Variants in AGO3 observed in about 807,000 individuals in gnomAD.
The protein encoded by AGO3 is protein argonaute-3.
Under a neutral mutation model 105.5 loss-of-function variants are expected in AGO3, and 16 were observed. The observed-to-expected ratio is 0.15, with a 90% CI of 0.10 to 0.23. The LOEUF is 0.23. Among genes scored for constraint, AGO3 ranks in the 10% least tolerant of loss-of-function variants. AGO3 has a pLI of 1.00. For missense variants in AGO3, 534 were observed against 1,088.0 expected, an observed-to-expected ratio of 0.49 and a Z score of 7.16; for synonymous variants, 340 against 367.3, an observed-to-expected ratio of 0.93 and a Z score of 0.85.
intron 16 of AGO3, among the ~76,000 whole-genome samples, chr1:36,043,021 CTGT>C (rs754610580): frequency 1.3e-5 from 2 of 152,204 alleles, no homozygotes; most frequent in East Asian, 1.9e-4. Context: ...AATGGTGTGA[CTGT>C]TGTTGATCTT....
intron 5 of AGO3, among the ~76,000 whole-genome samples, chr1:35,995,904 C>G (rs1458179698): frequency 6.6e-6 from 1 of 152,076 alleles, no homozygotes; most frequent in African/African-American, 2.4e-5. Context: ...TCTCGAACTC[C>G]CTGACCTCAA....
chr1:35,962,779 C>A (rs1321787878), intron 2 of AGO3, among the ~76,000 whole-genome samples: 1 of 151,764 alleles, frequency 6.6e-6, no homozygotes, highest in East Asian at 1.9e-4. Flanking sequence ...TAAAGAAGAA[C>A]CAAAAAATGT....
chr1:36,054,478 G>C (rs1277772393), intron 17 of AGO3, among the ~76,000 whole-genome samples: 2 of 152,008 alleles, frequency 1.3e-5, no homozygotes. Flanking sequence ...GCCTCACTGT[G>C]TTGTGCAGGC....
intron 11 of AGO3, among the ~76,000 whole-genome samples, chr1:36,021,394 G>A (rs112664259): frequency 5.9e-5 from 9 of 152,062 alleles, no homozygotes; most frequent in Non-Finnish European, 8.8e-5. Flanking sequence ...ATAGTTTAAC[G>A]TAATAACCAT....
chr1:36,019,919 C>T (rs1641126214), intron 11 of AGO3, among the ~76,000 whole-genome samples: 1 of 152,160 alleles, frequency 6.6e-6, no homozygotes, highest in East Asian at 1.9e-4. Context: ...CAAGTACCTG[C>T]CACCACACCC....
chr1:35,933,839 T>C (rs1242349738), intron 1 of AGO3, among the ~76,000 whole-genome samples: 16 of 152,050 alleles, frequency 1.1e-4, no homozygotes, highest in Admixed American at 1.0e-3. Context: ...TTCTAGTTGC[T>C]CGGTGGATAC....
chr1:35,978,880 A>T (rs764809935), intron 5 of AGO3, among the ~76,000 whole-genome samples: 79 of 152,298 alleles, frequency 5.2e-4, no homozygotes, highest in Middle Eastern at 3.4e-3. Context: ...CAAAGCTTCT[A>T]ATATGTAGTA....
intron 11 of AGO3, among the ~76,000 whole-genome samples, chr1:36,017,230 G>T (rs1013718661): frequency 6.6e-6 from 1 of 152,180 alleles, no homozygotes; most frequent in Non-Finnish European, 1.5e-5. Context: ...AACCCTAAGA[G>T]TTTGGAGTAT....
At chr1:36,004,198 G>A in intron 5 of AGO3, 143 bp from the exon 6 acceptor site, 1 of 769,852 alleles carries the variant, frequency 1.3e-6, no homozygotes, top group Non-Finnish European at 1.9e-6. Flanking sequence ...AATTAAAACT[G>A]CTTAATTTTG....
chr1:35,965,456 C>T (rs1169523709), intron 2 of AGO3, among the ~76,000 whole-genome samples: 1 of 139,518 alleles, frequency 7.2e-6, no homozygotes, highest in Non-Finnish European at 1.5e-5. Context: ...CACCACTGCA[C>T]TCCATCCTGC....
At chr1:36,031,365 G>T (rs899273548) in intron 12 of AGO3, among the ~76,000 whole-genome samples, 4 of 151,886 alleles carry the variant, frequency 2.6e-5, no homozygotes, top group African/African-American at 9.7e-5. Flanking sequence ...TATGATTTCT[G>T]ATCTGTATCA....
At position 36,039,938 on chromosome 1, in the gene AGO3, G is replaced by A. The variant is rs1642178282; in HGVS notation, c.1991G>A (p.Arg664His). ...AAGTCAACTCGGTTCAAGCCTACTCGTATCATCTTTTATCGGGATGGTGTT... is the reference window on the plus strand; with the variant it reads ...AAGTCAACTCGGTTCAAGCCTACTCATATCATCTTTTATCGGGATGGTGTT... ...FYKSTRFKPT[R>H]IIFYRDGVSE... is the part of the protein sequence containing the mutation. The change falls in exon 15 of 19, where the codon CGT (arginine) becomes CAT (histidine). Residue 664 changes from arginine (R) to histidine (H), a missense_variant. By Grantham distance (29) the Arg-to-His change is conservative. Transcript: ENST00000373191. 2 of 1,613,754 alleles carry A rather than the reference G, an allele frequency of 1.2e-6. No homozygotes were observed. The highest frequency in any genetic ancestry group is 1.7e-6 in the Non-Finnish European group (2 of 1,179,928).
intron 11 of AGO3, among the ~76,000 whole-genome samples, chr1:36,016,469 A>G (rs1381805183): frequency 6.6e-6 from 1 of 152,230 alleles, no homozygotes; most frequent in Non-Finnish European, 1.5e-5. Context: ...GGCGTGAGCC[A>G]CTGCGCCTGG....
In AGO3 at chr1:36,033,374, T is replaced by A. The variant is rs552463831; in HGVS notation, c.1592-800T>A. ...AGAAGTTATGGCTGGGTGCAGTGGC[T>A]CTTGCCTGTAATCCCAACACTTTGG... is the stretch of plus-strand genomic sequence containing the variant. On this transcript the variant is annotated intron_variant, in intron 12 of 18. Transcript: ENST00000373191. Among the ~76,000 whole-genome samples, 23 of 150,604 alleles carry A rather than the reference T, an allele frequency of 1.5e-4. No individual in the cohort carries two copies. The South Asian group carries it at 4.9e-3, about 32-fold the overall frequency.
intron 1 of AGO3, among the ~76,000 whole-genome samples, chr1:35,932,452 C>T (rs1646069412): frequency 6.6e-6 from 1 of 151,970 alleles, no homozygotes; most frequent in Admixed American, 6.6e-5. Flanking sequence ...GTAAAAGAAA[C>T]CAGTGACATA....
At chr1:36,042,553 A>G (rs954960839) in intron 16 of AGO3, among the ~76,000 whole-genome samples, 3 of 152,238 alleles carry the variant, frequency 2.0e-5, no homozygotes, top group Admixed American at 6.5e-5. Flanking sequence ...GTACTACCTT[A>G]TAACAGTCAC....
intron 17 of AGO3, among the ~76,000 whole-genome samples, chr1:36,054,306 T>C (rs1642841466): frequency 1.3e-5 from 2 of 152,182 alleles, no homozygotes; most frequent in African/African-American, 4.8e-5. Context: ...AAAGTTTCAC[T>C]ATGTCACCCA....
intron 5 of AGO3, among the ~76,000 whole-genome samples, chr1:35,995,335 G>A (rs1234803383): frequency 2.6e-5 from 4 of 150,946 alleles, no homozygotes; most frequent in Admixed American, 6.6e-5. Context: ...AAAGAAGAAC[G>A]AAGTTGGTGG....
intron 1 of AGO3, among the ~76,000 whole-genome samples, chr1:35,936,404 G>A (rs1646146894): frequency 6.6e-6 from 1 of 152,160 alleles, no homozygotes; most frequent in Admixed American, 6.5e-5. Flanking sequence ...AGGAAATGAA[G>A]AATTCCTTGT....
Sources: allele counts gnomAD v4.1 joint callset (sites outside exome capture counted in the v4.1 genomes callset), GRCh38; gene constraint gnomAD v4.1.1; transcripts MANE v1.5; gene names NCBI Gene and HGNC (gene_info 2026-07-23, HGNC 2026-07-21).